Variants in RYR2 observed in about 807,000 individuals in gnomAD.
RYR2 encodes cardiac muscle ryanodine receptor-calcium release channel.
RYR2 carries 227 observed loss-of-function variants against 601.1 expected under a neutral mutation model. The observed-to-expected ratio is 0.38, with a 90% CI of 0.34 to 0.42. The LOEUF is 0.42. RYR2 is among the 10% of genes least tolerant of loss of function. RYR2 has a pLI of 1.00. For missense variants in RYR2, 4,646 were observed against 6,156.5 expected, an observed-to-expected ratio of 0.75 and a Z score of 8.21; for synonymous variants, 2,223 against 2,175.1, an observed-to-expected ratio of 1.02 and a Z score of -0.61.
chr1:237,466,952 A>C (rs1451926596), intron 16 of RYR2, among the ~76,000 whole-genome samples: 10 of 151,644 alleles, frequency 6.6e-5, no homozygotes, highest in Non-Finnish European at 1.3e-4. Context: ...TCTGTCAGAG[A>C]ACATGGTTTA....
chr1:237,533,847 A>G (rs1668360712), intron 25 of RYR2, among the ~76,000 whole-genome samples: 1 of 152,124 alleles, frequency 6.6e-6, no homozygotes, highest in African/African-American at 2.4e-5. Flanking sequence ...TAATGTTAGT[A>G]ATGTTCTAAT....
At chr1:237,656,451 C>T (rs898128247) in intron 53 of RYR2, among the ~76,000 whole-genome samples, 1 of 152,152 alleles carries the variant, frequency 6.6e-6, no homozygotes, top group African/African-American at 2.4e-5. Flanking sequence ...CATGATAAAA[C>T]GCAGCACAAG....
chr1:237,502,821 GA>G (rs959056635), intron 21 of RYR2, among the ~76,000 whole-genome samples: 1 of 148,974 alleles, frequency 6.7e-6, no homozygotes, highest in African/African-American at 2.5e-5. Flanking sequence ...CCAAGAAAGT[GA>G]AAAAAGAATC....
intron 1 of RYR2, among the ~76,000 whole-genome samples, chr1:237,133,560 A>T (rs1025446224): frequency 6.6e-6 from 1 of 152,234 alleles, no homozygotes; most frequent in Non-Finnish European, 1.5e-5. Flanking sequence ...AGAAGAAAAC[A>T]TATAGATACT....
intron 100 of RYR2, among the ~76,000 whole-genome samples, chr1:237,810,191 C>G (rs790885): frequency 4.0e-5 from 6 of 151,716 alleles, no homozygotes; most frequent in African/African-American, 1.2e-4. Context: ...TAAATAAAGT[C>G]GTAAAGGCAA....
chr1:237,284,728 G>A (rs1279521139), intron 2 of RYR2, among the ~76,000 whole-genome samples: 4 of 148,008 alleles, frequency 2.7e-5, no homozygotes, highest in African/African-American at 1.0e-4. Flanking sequence ...ACACAGCACA[G>A]TTTCTTTATC....
intron 1 of RYR2, among the ~76,000 whole-genome samples, chr1:237,172,684 A>G (rs1240798229): frequency 6.6e-6 from 1 of 152,190 alleles, no homozygotes; most frequent in African/African-American, 2.4e-5. Context: ...CCGGAGTTTT[A>G]TTGATGGACT....
intron 58 of RYR2, among the ~76,000 whole-genome samples, chr1:237,668,883 T>A (rs1350046310): frequency 1.3e-5 from 2 of 152,138 alleles, no homozygotes; most frequent in East Asian, 1.9e-4. Context: ...ATTTTTTATT[T>A]TTTTTATTTT....
At chr1:237,269,564 G>A (rs1420606989) in intron 1 of RYR2, among the ~76,000 whole-genome samples, 2 of 152,094 alleles carry the variant, frequency 1.3e-5, no homozygotes, top group Non-Finnish European at 2.9e-5. Context: ...AGGTTGAGAT[G>A]TCAAAACACG....
intron 5 of RYR2, among the ~76,000 whole-genome samples, chr1:237,367,761 A>G (rs1198061768): frequency 6.6e-6 from 1 of 152,160 alleles, no homozygotes; most frequent in Non-Finnish European, 1.5e-5. Flanking sequence ...CTAAAATTCC[A>G]TGATTGCTTC....
At chr1:237,112,190 T>C (rs1283926359) in intron 1 of RYR2, among the ~76,000 whole-genome samples, 3 of 152,216 alleles carry the variant, frequency 2.0e-5, no homozygotes, top group African/African-American at 4.8e-5. Context: ...CTCAACACAC[T>C]GTGACCTCCG....
At chr1:237,452,109 G>GTGTGTA (rs1378478416) in intron 14 of RYR2, among the ~76,000 whole-genome samples, 19 of 147,090 alleles carry the variant, frequency 1.3e-4, no homozygotes, top group Middle Eastern at 7.2e-3. Flanking sequence ...GTGTGTGTAT[G>GTGTGTA]TGTGTGTATA....
At position 237,738,489 on chromosome 1, in the gene RYR2, C is replaced by A. The variant is rs77426428; in HGVS notation, c.11092-3807C>A. On this transcript the variant is annotated intron_variant, in intron 79 of 104. Coordinates refer to ENST00000366574, the MANE Select transcript of RYR2 (RefSeq NM_001035.3). ...AAACCATCATTCTAAACCTTGTGCT[C>A]AAGATGCCCTTGCTTTTCTTTTCAT... Among the ~76,000 whole-genome samples, 632 of 152,180 alleles carry A rather than the reference C, an allele frequency of 4.2e-3. 6 individuals carry two copies. The highest frequency in any genetic ancestry group is 0.014 in the African/African-American group (600 of 41,522).
chr1:237,342,845 A>G (rs1697945657), intron 3 of RYR2, among the ~76,000 whole-genome samples: 1 of 152,206 alleles, frequency 6.6e-6, no homozygotes, highest in Admixed American at 6.5e-5. Context: ...ACTGATTTCC[A>G]TAGCCCTGGA....
rs1009475947 is a variant in RYR2, at chr1:237,049,038, C to T, written c.48+6469C>T. Among the ~76,000 whole-genome samples, 7 of 151,966 alleles carry T rather than the reference C, an allele frequency of 4.6e-5. No individual in the cohort carries two copies. In the East Asian group the frequency reaches 5.8e-4, roughly 13 times the overall value. ...GGGTGAAATTCTGAGATGAGGACAC[C>T]GGAGGTGTGTAGGGTGAGAGAGGCC... On this transcript the variant is annotated intron_variant, in intron 1 of 104. Transcript: ENST00000366574.
intron 4 of RYR2, among the ~76,000 whole-genome samples, chr1:237,357,588 A>AT (rs931273399): frequency 6.6e-6 from 1 of 151,822 alleles, no homozygotes; most frequent in East Asian, 1.9e-4. Context: ...TGCCTGTGTA[A>AT]TTTTTTTCTT....
chr1:237,175,278 G>A (rs1447013399), intron 1 of RYR2, among the ~76,000 whole-genome samples: 1 of 152,108 alleles, frequency 6.6e-6, no homozygotes, highest in Non-Finnish European at 1.5e-5. Flanking sequence ...ATTCTTTTAT[G>A]TGGTTTTTTA....
At position 237,739,822 on chromosome 1, in the gene RYR2, A is replaced by G. The variant is rs576843361; in HGVS notation, c.11092-2474A>G. 1.2e-4 allele frequency among the ~76,000 whole-genome samples: 19 copies of G among 152,320 alleles called. No homozygotes were observed. In the South Asian group the frequency reaches 3.3e-3, roughly 27 times the overall value. ...GGCAACTAAGGAATGCATGAAATAT[A>G]CTTCTGTGGCAGAATGAAATTTTCA... On this transcript the variant is annotated intron_variant, in intron 79 of 104. Transcript: ENST00000366574.
intron 77 of RYR2, among the ~76,000 whole-genome samples, chr1:237,731,217 C>T (rs1012479154): frequency 6.6e-6 from 1 of 152,058 alleles, no homozygotes; most frequent in African/African-American, 2.4e-5. Flanking sequence ...CAGGAAAGAA[C>T]ACCATTCATG....
Sources: allele counts gnomAD v4.1 joint callset (sites outside exome capture counted in the v4.1 genomes callset), GRCh38; gene constraint gnomAD v4.1.1; transcripts MANE v1.5; gene names NCBI Gene and HGNC (gene_info 2026-07-23, HGNC 2026-07-21).